Variants in DRC11 observed in about 807,000 individuals in gnomAD.
DRC11 encodes the protein IQ and AAA domain-containing protein 1.
At chr2:236,355,897 C>T in the DRC11 span, among the ~76,000 whole-genome samples, 1 of 152,120 alleles carries the variant, frequency 6.6e-6, no homozygotes, top group South Asian at 2.1e-4. Context: ...TCTGCTGACA[C>T]CTGGACTAGC....
the DRC11 span, among the ~76,000 whole-genome samples, chr2:236,456,975 G>A: frequency 1.3e-5 from 2 of 152,250 alleles, no homozygotes; most frequent in Admixed American, 6.5e-5. This position sits in a 1 kb window ranked among gnomAD's most constrained non-coding sequence, Gnocchi z 5.4. Flanking sequence ...GCAGGAGCCC[G>A]CAGTCCCAAG....
At chr2:236,465,668 G>C in the DRC11 span, 5 of 1,613,068 alleles carry the variant, frequency 3.1e-6, no homozygotes, top group African/African-American at 5.3e-5. The surrounding 1 kb of genome is among the most constrained non-coding windows in gnomAD (Gnocchi z 6.2). Context: ...TTTTCAGCCT[G>C]GATTACTGTA....
chr2:236,467,706 T>C, the DRC11 span, among the ~76,000 whole-genome samples: 1 of 152,208 alleles, frequency 6.6e-6, no homozygotes, highest in Non-Finnish European at 1.5e-5. Context: ...AAAGTCCATT[T>C]TGAAAGCTGT....
At chr2:236,358,136 A>G in the DRC11 span, among the ~76,000 whole-genome samples, 1 of 115,942 alleles carries the variant, frequency 8.6e-6, no homozygotes, top group Non-Finnish European at 1.7e-5. Context: ...ATATATTTAT[A>G]ATATATAAAT....
At chr2:236,408,147 G>C in the DRC11 span, 1 of 688,664 alleles carries the variant, frequency 1.5e-6, no homozygotes, top group Non-Finnish European at 2.7e-6. This position sits in a 1 kb window ranked among gnomAD's most constrained non-coding sequence, Gnocchi z 5.5. Flanking sequence ...TGTCAGGAAG[G>C]TCATGGTCAG....
the DRC11 span, among the ~76,000 whole-genome samples, chr2:236,458,418 AACT>A: frequency 6.6e-6 from 1 of 152,224 alleles, no homozygotes; most frequent in African/African-American, 2.4e-5. Context: ...TTAACTAAAA[AACT>A]ACAAGAACTA....
the DRC11 span, among the ~76,000 whole-genome samples, chr2:236,496,320 T>C: frequency 2.0e-5 from 3 of 152,150 alleles, no homozygotes; most frequent in Admixed American, 6.5e-5. This position sits in a 1 kb window ranked among gnomAD's most constrained non-coding sequence, Gnocchi z 6.3. Flanking sequence ...GGTACCTCTA[T>C]AAAAGCCCAA....
the DRC11 span, among the ~76,000 whole-genome samples, chr2:236,357,199 A>ATTCGTAT: frequency 8.5e-6 from 1 of 118,132 alleles, no homozygotes; most frequent in Admixed American, 9.8e-5. Context: ...ATATATTATA[A>ATTCGTAT]ATTATATTCA....
the DRC11 span, among the ~76,000 whole-genome samples, chr2:236,447,829 G>A: frequency 1.1e-4 from 16 of 151,000 alleles, no homozygotes; most frequent in African/African-American, 3.2e-4. The surrounding 1 kb of genome is among the most constrained non-coding windows in gnomAD (Gnocchi z 4.6). Flanking sequence ...CAATCGAGGA[G>A]TCGGCTTGGA....
the DRC11 span, among the ~76,000 whole-genome samples, chr2:236,428,154 T>C: frequency 6.6e-6 from 1 of 152,206 alleles, no homozygotes; most frequent in Non-Finnish European, 1.5e-5. Flanking sequence ...TGGCTGAATA[T>C]ATGATTTGTC....
At chr2:236,319,647 G>A in the DRC11 span, among the ~76,000 whole-genome samples, 4 of 152,116 alleles carry the variant, frequency 2.6e-5, no homozygotes, top group African/African-American at 7.2e-5. The surrounding 1 kb of genome is among the most constrained non-coding windows in gnomAD (Gnocchi z 6.7). Flanking sequence ...AGCTCAACGT[G>A]AGAAACTCAC....
the DRC11 span, among the ~76,000 whole-genome samples, chr2:236,421,374 G>A: frequency 3.3e-5 from 5 of 151,716 alleles, no homozygotes; most frequent in Non-Finnish European, 7.4e-5. Context: ...ATGTTAAAGG[G>A]GATATCACCA....
chr2:236,336,097 A>C, the DRC11 span, among the ~76,000 whole-genome samples: 11 of 152,172 alleles, frequency 7.2e-5, no homozygotes, highest in African/African-American at 2.7e-4. This position sits in a 1 kb window ranked among gnomAD's most constrained non-coding sequence, Gnocchi z 7.3. Flanking sequence ...AAGATGAAGA[A>C]GGCACTAGAT....
the DRC11 span, among the ~76,000 whole-genome samples, chr2:236,365,752 C>A: frequency 0.021 from 3,144 of 152,108 alleles, 111 homozygotes; most frequent in African/African-American, 0.072. This position sits in a 1 kb window ranked among gnomAD's most constrained non-coding sequence, Gnocchi z 7.4. Flanking sequence ...AGGGAGGCCT[C>A]TTCAACGGGG....
At chr2:236,422,680 T>G in the DRC11 span, among the ~76,000 whole-genome samples, 1 of 152,178 alleles carries the variant, frequency 6.6e-6, no homozygotes, top group East Asian at 1.9e-4. Context: ...ATGACTTTCT[T>G]GACAGAATTA....
the DRC11 span, among the ~76,000 whole-genome samples, chr2:236,345,491 G>A: frequency 5.3e-5 from 8 of 152,140 alleles, no homozygotes; most frequent in Non-Finnish European, 1.2e-4. Flanking sequence ...GCCTCTGGCC[G>A]TTCCCGGGTT....
the DRC11 span, among the ~76,000 whole-genome samples, chr2:236,309,159 G>C: frequency 6.6e-6 from 1 of 152,156 alleles, no homozygotes; most frequent in Non-Finnish European, 1.5e-5. This position sits in a 1 kb window ranked among gnomAD's most constrained non-coding sequence, Gnocchi z 5.7. Context: ...GCCGCACAGT[G>C]GCCGAGAACT....
the DRC11 span, among the ~76,000 whole-genome samples, chr2:236,421,569 T>C: frequency 1.3e-5 from 2 of 152,142 alleles, no homozygotes; most frequent in Non-Finnish European, 2.9e-5. Context: ...CAATAATTAA[T>C]AGCTTACCAA....
the DRC11 span, among the ~76,000 whole-genome samples, chr2:236,329,549 G>A: frequency 2.4e-4 from 36 of 152,300 alleles, no homozygotes; most frequent in African/African-American, 8.4e-4. Flanking sequence ...CTGAGATAAC[G>A]TTGTCGGAAG....
Sources: gnomAD v4.1 joint callset for allele counts (sites outside exome capture counted in the v4.1 genomes callset) on GRCh38, gnomAD v4.1.1 for gene constraint, Gnocchi (gnomAD v3.1) non-coding constraint, MANE v1.5 for transcripts, NCBI Gene and HGNC (gene_info 2026-07-23, HGNC 2026-07-21) for gene names.